USH2A: variants seen among roughly 807,000 people sequenced by gnomAD.
The protein encoded by USH2A is Usher syndrome 2A (autosomal recessive, mild).
In USH2A, 443 loss-of-function variants were observed where a neutral mutation model predicts 538.9. The observed-to-expected ratio is 0.82, with a 90% CI of 0.76 to 0.89. The LOEUF is 0.89. Among genes scored for constraint, USH2A ranks in the 40% least tolerant of loss-of-function variants. The pLI is 0.00. For missense variants in USH2A, 6,633 were observed against 6,324.8 expected (o/e 1.05, Z -1.65); for synonymous variants, 2,413 against 2,273.5 (o/e 1.06, Z -1.75).
intron 61 of USH2A, among the ~76,000 whole-genome samples, chr1:215,708,889 G>A (rs1558063674): frequency 6.6e-6 from 1 of 152,198 alleles, no homozygotes; most frequent in East Asian, 1.9e-4. Context: ...TCTATGCTAA[G>A]GGGGTTTATG....
At chr1:215,999,747 C>T (rs941912882) in intron 33 of USH2A, among the ~76,000 whole-genome samples, 1 of 152,098 alleles carries the variant, frequency 6.6e-6, no homozygotes. Flanking sequence ...ATGAAGCCAA[C>T]AGGAGAATTT....
rs138064650 is a variant in USH2A, at chr1:216,319,498, A to G, written c.1644+2385T>C. ...AAGACTCTAGGCATTAGAAATCCAAAAGAAAACCATAAAAGATTTCTTCTT... is the reference window on the plus strand; with the variant it reads ...AAGACTCTAGGCATTAGAAATCCAAGAGAAAACCATAAAAGATTTCTTCTT... On this transcript the variant is annotated intron_variant, in intron 9 of 71. Transcript: ENST00000307340. Among the ~76,000 whole-genome samples the G allele has an allele frequency of 9.8e-4, 150 of 152,320 alleles. 1 individual carries two copies. Among genetic ancestry groups the G allele is most frequent in the African/African-American group, 3.5e-3 (144 of 41,582 alleles).
intron 3 of USH2A, among the ~76,000 whole-genome samples, chr1:216,394,250 C>T (rs560601969): frequency 1.3e-5 from 2 of 151,788 alleles, no homozygotes; most frequent in African/African-American, 4.8e-5. Context: ...GTACAGCCAC[C>T]GTGGAAAAAG....
At chr1:216,188,192 A>G (rs2034646029) in intron 20 of USH2A, among the ~76,000 whole-genome samples, 1 of 151,818 alleles carries the variant, frequency 6.6e-6, no homozygotes, top group Non-Finnish European at 1.5e-5. Flanking sequence ...TCTTTTACGC[A>G]ACAGGATTTT....
Position 216,086,754 on chromosome 1 carries a change from A to C in USH2A, c.4952T>G (p.Leu1651Arg), listed in dbSNP as rs2032146803. The change falls in exon 24 of 72, where the codon CTC becomes CGC. Residue 1651 changes from leucine to arginine, a missense_variant. Physicochemically the swap from Leu to Arg is moderately radical, Grantham distance 102. Transcript: ENST00000307340. ...CCTGAGGATGGTATAACTTCGCGGG[A>C]GCCCTCCCAGAAAGACTCCTGTGTT... ...GDNTGVFLGG[L>R]PRSYTILRKD... 6.2e-7 allele frequency: 1 copy of C among 1,612,914 alleles called. No homozygotes were observed. Among genetic ancestry groups the C allele is most frequent in the African/African-American group, 1.3e-5 (1 of 74,856 alleles).
At chr1:215,772,619 C>G (rs1014835730) in intron 55 of USH2A, among the ~76,000 whole-genome samples, 1 of 152,082 alleles carries the variant, frequency 6.6e-6, no homozygotes. Flanking sequence ...AAAACAAAAC[C>G]CATGTCTATG....
chr1:216,285,326 A>G (rs1415025815), intron 11 of USH2A, among the ~76,000 whole-genome samples: 1 of 152,230 alleles, frequency 6.6e-6, no homozygotes, highest in African/African-American at 2.4e-5. Flanking sequence ...AGCTCAGACT[A>G]TTGCATCAGA....
intron 9 of USH2A, among the ~76,000 whole-genome samples, chr1:216,313,381 G>T (rs1401083855): frequency 6.6e-6 from 1 of 152,122 alleles, no homozygotes; most frequent in Non-Finnish European, 1.5e-5. Context: ...GTGCTCATTG[G>T]CTGTGAACTT....
Position 215,674,363 on chromosome 1 carries a change from C to T in USH2A, c.13548G>A (p.Gly4516=), listed in dbSNP as rs764358460. 6.2e-7 allele frequency: 1 copy of T among 1,614,016 alleles called. No individual in the cohort carries two copies. Among genetic ancestry groups the T allele is most frequent in the South Asian group, 1.1e-5 (1 of 91,074 alleles). ...SYTVTASNSQ[G]GILSPLVKDR... ...CTTTGACAAGAGGACTCAAAATACC[C>T]CCTTGGCTGTTGCTGGCAGTTACTG... Residue 4516 remains glycine, a synonymous_variant, in exon 63 of 72, where the codon GGG becomes GGA. Coordinates refer to ENST00000307340, the MANE Select transcript of USH2A (RefSeq NM_206933.4).
intron 3 of USH2A, among the ~76,000 whole-genome samples, chr1:216,395,059 C>T (rs1302674807): frequency 1.3e-5 from 2 of 152,120 alleles, no homozygotes; most frequent in East Asian, 3.9e-4. Context: ...TGTCACCCCC[C>T]AATCACTATG....
intron 30 of USH2A, among the ~76,000 whole-genome samples, chr1:216,063,458 T>C (rs1282329360): frequency 1.3e-5 from 2 of 152,182 alleles, no homozygotes; most frequent in Admixed American, 1.3e-4. Context: ...TCTTTAAGAT[T>C]ACCTTCTACC....
rs118164224 is a variant in USH2A at position 216,052,761 on chromosome 1, G to A, written c.6050-4114C>T. Among the ~76,000 whole-genome samples, 155 of 152,326 alleles carry A rather than the reference G, an allele frequency of 1.0e-3. 4 individuals carry two copies. The East Asian group carries it at 0.026, about 26-fold the overall frequency. ...AAGGTCATTTTATTGTTGGAGACACGTGGTTTATCTCCTTTGATTCTCAGT... is the reference window on the plus strand; with the variant it reads ...AAGGTCATTTTATTGTTGGAGACACATGGTTTATCTCCTTTGATTCTCAGT... On this transcript the variant is annotated intron_variant, in intron 30 of 71. Transcript: ENST00000307340.
intron 21 of USH2A, among the ~76,000 whole-genome samples, chr1:216,128,493 C>A (rs1036206904): frequency 2.0e-5 from 3 of 152,066 alleles, no homozygotes; most frequent in Admixed American, 6.6e-5. Flanking sequence ...CAAACATAGA[C>A]AAGATCCCAT....
intron 55 of USH2A, among the ~76,000 whole-genome samples, chr1:215,770,022 A>C (rs999466397): frequency 2.0e-5 from 3 of 152,230 alleles, no homozygotes; most frequent in African/African-American, 7.2e-5. Context: ...GGCTCATTTC[A>C]AATGATGTTT....
chr1:215,651,362 A>G (rs1657075664), intron 64 of USH2A, among the ~76,000 whole-genome samples: 1 of 152,226 alleles, frequency 6.6e-6, no homozygotes, highest in South Asian at 2.1e-4. Context: ...TGTCAGGTAC[A>G]ATAGACAGAG....
chr1:216,231,411 A>T (rs899718718), intron 14 of USH2A, among the ~76,000 whole-genome samples: 2 of 149,312 alleles, frequency 1.3e-5, no homozygotes, highest in African/African-American at 4.9e-5. Flanking sequence ...AATATATTTT[A>T]TCTCATTCAA....
At position 215,640,561 on chromosome 1, in the gene USH2A, T is replaced by A. The variant is rs770658506; in HGVS notation, c.14965A>T (p.Lys4989Ter). 1 of 1,613,682 alleles carries A rather than the reference T, an allele frequency of 6.2e-7. No homozygotes were observed. ...GAAACAGGAGTCAGAAACTAACTTT[T>A]GTCCGCCGTTCTCGGTATGTAGAGG... ...TTLYIPRTAD[K>*]TFFFQVICTT... The change falls in exon 68 of 72, where the codon AAA (lysine) becomes TAA (stop). Residue 4989 changes from lysine (K) to a stop codon, truncating the protein, a stop_gained. Transcript: ENST00000307340. LOFTEE classifies it high-confidence loss of function.
chr1:215,907,946 A>G (rs1665681517), intron 38 of USH2A, among the ~76,000 whole-genome samples: 1 of 152,044 alleles, frequency 6.6e-6, no homozygotes, highest in Admixed American at 6.6e-5. Context: ...AACAATTGTT[A>G]GAATCCCGAA....
Position 216,083,637 on chromosome 1 carries a change from A to C in USH2A, c.5168-51T>G, listed in dbSNP as rs1185875981. 13 of 1,590,346 alleles carry C rather than the reference A, an allele frequency of 8.2e-6. No homozygotes were observed. The South Asian group carries it at 9.0e-5, about 11-fold the overall frequency. On this transcript the variant is annotated intron_variant, in intron 25 of 71. Transcript: ENST00000307340. ...TTAGCATGTGTAACACAATATTGCC[A>C]GCATTGTAAGGGTGCTAAGAAACTC...
Sources: allele counts gnomAD v4.1 joint callset (sites outside exome capture counted in the v4.1 genomes callset), GRCh38; gene constraint gnomAD v4.1.1; transcripts MANE v1.5; gene names NCBI Gene and HGNC (gene_info 2026-07-23, HGNC 2026-07-21).